L3MBTL4: variants seen among roughly 807,000 people sequenced by gnomAD.
L3MBTL4 encodes the protein lethal(3)malignant brain tumor-like protein 4.
L3MBTL4 carries 70 observed loss-of-function variants against 84.5 expected under a neutral mutation model. That is an observed-to-expected ratio of 0.83 (90% CI 0.68 to 1.01). The LOEUF is 1.01. Among genes scored for constraint, L3MBTL4 ranks in the 50% least tolerant of loss-of-function variants. The probability of loss-of-function intolerance (pLI) is 0.00; values close to 1 mark genes in which losing one functional copy is unlikely to be tolerated. For missense variants in L3MBTL4, 715 were observed against 754.8 expected (o/e 0.95, Z 0.62); for synonymous variants, 274 against 259.8 (o/e 1.05, Z -0.52).
intron 18 of L3MBTL4, among the ~76,000 whole-genome samples, chr18:5,959,744 A>G (rs2095252958): frequency 6.6e-6 from 1 of 152,104 alleles, no homozygotes; most frequent in Non-Finnish European, 1.5e-5. Flanking sequence ...ATAGGTATTA[A>G]TTAATTATCT....
At chr18:6,230,708 G>A (rs568986049) in intron 10 of L3MBTL4, among the ~76,000 whole-genome samples, 10 of 152,082 alleles carry the variant, frequency 6.6e-5, no homozygotes, top group South Asian at 2.1e-4. Context: ...ATTCCCACCC[G>A]CAATGTATAA....
chr18:6,257,055 T>C (rs2048173670), intron 5 of L3MBTL4, among the ~76,000 whole-genome samples: 1 of 152,166 alleles, frequency 6.6e-6, no homozygotes, highest in Non-Finnish European at 1.5e-5. Flanking sequence ...AAGTCATCTA[T>C]ATGCCAGGCA....
intron 16 of L3MBTL4, among the ~76,000 whole-genome samples, chr18:6,012,571 T>C (rs1313241137): frequency 6.6e-6 from 1 of 151,850 alleles, no homozygotes; most frequent in Non-Finnish European, 1.5e-5. Context: ...ATGCCTATAA[T>C]CCCAGCACTT....
intron 13 of L3MBTL4, among the ~76,000 whole-genome samples, chr18:6,162,103 A>G (rs1163675589): frequency 1.3e-5 from 2 of 152,032 alleles, no homozygotes; most frequent in East Asian, 3.9e-4. Context: ...ATAGATTAAA[A>G]AACTCTCTAC....
chr18:6,020,098 A>G (rs1349023784), intron 16 of L3MBTL4, among the ~76,000 whole-genome samples: 1 of 152,184 alleles, frequency 6.6e-6, no homozygotes, highest in Non-Finnish European at 1.5e-5. Context: ...AGACAGTTAA[A>G]TAATTAAAAT....
chr18:6,248,884 T>A (rs1015179937), intron 5 of L3MBTL4, among the ~76,000 whole-genome samples: 15 of 152,222 alleles, frequency 9.9e-5, no homozygotes, highest in Non-Finnish European at 1.2e-4. Flanking sequence ...GGAATAATTG[T>A]AAAACCTATG....
chr18:6,277,409 C>T (rs1431772834), intron 4 of L3MBTL4, among the ~76,000 whole-genome samples: 1 of 152,190 alleles, frequency 6.6e-6, no homozygotes, highest in Non-Finnish European at 1.5e-5. Flanking sequence ...CTGTGTCCTC[C>T]TGAGCTGATT....
intron 15 of L3MBTL4, among the ~76,000 whole-genome samples, chr18:6,091,985 G>A (rs773433460): frequency 7.9e-5 from 12 of 152,122 alleles, no homozygotes; most frequent in East Asian, 1.9e-4. Context: ...TCTCAACTAC[G>A]TAAAGTTGTA....
At chr18:6,172,027 G>T in intron 12 of L3MBTL4, 85 bp from the exon 13 acceptor site, 2 of 618,362 alleles carry the variant, frequency 3.2e-6, no homozygotes, top group Non-Finnish European at 2.8e-6. Flanking sequence ...ACAGATGTCT[G>T]AAGCTGAGAT....
intron 4 of L3MBTL4, among the ~76,000 whole-genome samples, chr18:6,289,487 A>C (rs2049748794): frequency 6.6e-6 from 1 of 152,176 alleles, no homozygotes; most frequent in Non-Finnish European, 1.5e-5. Context: ...TAGTTTCCCT[A>C]GTTTCAAGTT....
intron 16 of L3MBTL4, among the ~76,000 whole-genome samples, chr18:5,982,532 G>A (rs2053280372): frequency 1.3e-5 from 2 of 152,304 alleles, no homozygotes; most frequent in South Asian, 4.1e-4. Context: ...CACAGACAGA[G>A]CCACTCAGAA....
chr18:6,094,409 G>A (rs951276293), intron 14 of L3MBTL4, among the ~76,000 whole-genome samples: 1 of 152,162 alleles, frequency 6.6e-6, no homozygotes, highest in Non-Finnish European at 1.5e-5. Context: ...GAGCAAAGGA[G>A]ATCCAACTCA....
chr18:6,230,356 GTT>G (rs1479073653), intron 10 of L3MBTL4, among the ~76,000 whole-genome samples: 5 of 152,242 alleles, frequency 3.3e-5, no homozygotes, highest in South Asian at 2.1e-4. Context: ...TCCTCTGGTA[GTT>G]CACTTAGGAT....
At chr18:5,958,494 G>A (rs1379799704) in intron 18 of L3MBTL4, among the ~76,000 whole-genome samples, 1 of 152,154 alleles carries the variant, frequency 6.6e-6, no homozygotes, top group Non-Finnish European at 1.5e-5. Context: ...GGTCGTGATG[G>A]TGACAACAAC....
At position 6,090,858 on chromosome 18, in the gene L3MBTL4, G is replaced by T. The variant is rs74518858; in HGVS notation, c.1373+2497C>A. Among the ~76,000 whole-genome samples, 1,182 of 150,042 alleles carry T rather than the reference G, an allele frequency of 7.9e-3. 18 individuals carry two copies. The highest frequency in any genetic ancestry group is 0.027 in the African/African-American group (1,100 of 40,476). On this transcript the variant is annotated intron_variant, in intron 15 of 18. Transcript: ENST00000317931. ...TGATGTTGCCCAGACTGGAACTCTG[G>T]ATATTCTAATGTGACAAATGTTGCT...
At chr18:6,013,938 A>ACT (rs1037221606) in intron 16 of L3MBTL4, among the ~76,000 whole-genome samples, 1 of 151,900 alleles carries the variant, frequency 6.6e-6, no homozygotes, top group African/African-American at 2.4e-5. Flanking sequence ...GAAGAAAGTC[A>ACT]CTCCGTTTTC....
At chr18:6,179,591 A>G (rs2044376191) in intron 12 of L3MBTL4, among the ~76,000 whole-genome samples, 1 of 152,196 alleles carries the variant, frequency 6.6e-6, no homozygotes, top group African/African-American at 2.4e-5. Context: ...TCATAATCCA[A>G]GAGCAAGAGT....
In L3MBTL4 at chr18:6,166,187, T is replaced by G. The variant is rs200623521; in HGVS notation, c.1096+5641A>C. ...CACCCAGATTCATAAAGCAAGTCCT[T>G]AGTGACCTACAAAGAGACTTAGACT... On this transcript the variant is annotated intron_variant, in intron 13 of 18. Transcript: ENST00000317931. Among the ~76,000 whole-genome samples the G allele has an allele frequency of 7.2e-3, 1,094 of 152,220 alleles. 41 individuals are homozygous for G. In the East Asian group the frequency reaches 0.08, roughly 11 times the overall value.
intron 1 of L3MBTL4, chr18:6,399,750 C>T (rs988576235): frequency 6.6e-6 from 1 of 152,220 alleles, no homozygotes; most frequent in African/African-American, 2.4e-5. Flanking sequence ...TAAGACCCTT[C>T]ATGGTCTCTA....
Sources: gnomAD v4.1 joint callset for allele counts (sites outside exome capture counted in the v4.1 genomes callset) on GRCh38, gnomAD v4.1.1 for gene constraint, MANE v1.5 for transcripts, NCBI Gene and HGNC (gene_info 2026-07-23, HGNC 2026-07-21) for gene names.